The following CNTLN variants were observed in gnomAD, a reference collection of about 807,000 sequenced individuals.
CNTLN encodes the protein centlein, also known as centlein, centrosomal protein.
Under a neutral mutation model 180.0 loss-of-function variants are expected in CNTLN, and 212 were observed. The observed-to-expected ratio is 1.18, with a 90% CI of 1.05 to 1.32. The LOEUF is 1.32. Among genes scored for constraint, CNTLN ranks in the 40% most tolerant of loss-of-function variants. The pLI, the probability that CNTLN is intolerant of heterozygous loss-of-function variation, is 0.00. For synonymous variants in CNTLN, 722 were observed against 563.1 expected, an observed-to-expected ratio of 1.28 and a Z score of -3.99; for missense variants, 2,095 against 1,610.9, an observed-to-expected ratio of 1.30 and a Z score of -5.14.
chr9:17,411,639 C>A (rs960822699), intron 16 of CNTLN, among the ~76,000 whole-genome samples: 1 of 152,110 alleles, frequency 6.6e-6, no homozygotes, highest in African/African-American at 2.4e-5. Flanking sequence ...TCCCGTTAGA[C>A]CAGCGGAGGC....
the CNTLN span, among the ~76,000 whole-genome samples, chr9:17,523,095 T>G: frequency 6.6e-6 from 1 of 152,120 alleles, no homozygotes; most frequent in Non-Finnish European, 1.5e-5. Context: ...GGCCCCCAGT[T>G]TCATCACCAC....
At chr9:17,334,086 G>A (rs1192690546) in intron 10 of CNTLN, among the ~76,000 whole-genome samples, 3 of 152,072 alleles carry the variant, frequency 2.0e-5, no homozygotes, top group South Asian at 4.1e-4. Flanking sequence ...TTGAGACAGA[G>A]TCTTACTCTG....
At chr9:17,519,244 G>T in the CNTLN span, among the ~76,000 whole-genome samples, 32 of 143,518 alleles carry the variant, frequency 2.2e-4, no homozygotes, top group African/African-American at 7.8e-4. Context: ...AGATTTGAGT[G>T]TTTTTTTTTT....
chr9:17,363,402 A>G (rs1823559173), intron 12 of CNTLN, among the ~76,000 whole-genome samples: 1 of 152,120 alleles, frequency 6.6e-6, no homozygotes, highest in East Asian at 1.9e-4. Flanking sequence ...CCGACTTTTT[A>G]ATGATCACCA....
intron 13 of CNTLN, among the ~76,000 whole-genome samples, chr9:17,385,090 A>G (rs1335503520): frequency 6.6e-6 from 1 of 152,184 alleles, no homozygotes; most frequent in East Asian, 1.9e-4. Context: ...TTTTCCATTT[A>G]CTATTGCTTG....
At chr9:17,344,283 C>T (rs957517593) in intron 12 of CNTLN, among the ~76,000 whole-genome samples, 4 of 152,088 alleles carry the variant, frequency 2.6e-5, no homozygotes, top group African/African-American at 7.2e-5. Context: ...AATTAAATGC[C>T]GTGTCATTCT....
chr9:17,442,064 A>G lies in CNTLN; in HGVS notation c.3115-15460A>G, dbSNP rs867652351. Among the ~76,000 whole-genome samples, 18 of 152,320 alleles carry G rather than the reference A, an allele frequency of 1.2e-4. No homozygotes were observed. The South Asian group carries it at 2.1e-3, about 18-fold the overall frequency. ...AACTTTGACAGCTGAAGGGAGAAAT[A>G]GGCAGCAACACAATAATAGGAGACG... On this transcript the variant is annotated intron_variant, in intron 18 of 25. Transcript: ENST00000380647.
intron 13 of CNTLN, among the ~76,000 whole-genome samples, chr9:17,381,591 A>G (rs923715671): frequency 1.3e-5 from 2 of 152,154 alleles, no homozygotes; most frequent in Admixed American, 6.5e-5. Context: ...AGTGCCACAT[A>G]ATTTAGTCTT....
Position 17,235,755 on chromosome 9 carries a change from T to C in CNTLN, c.632T>C (p.Leu211Ser). The C allele has an allele frequency of 2.5e-6, 4 of 1,603,360 alleles. No individual in the cohort carries two copies. The Admixed American group carries it at 7.0e-5, about 28-fold the overall frequency. Residue 211 changes from leucine (L) to serine (S), a missense_variant, in exon 4 of 26, where the codon TTG becomes TCG. Leu to Ser is a moderately radical substitution (Grantham distance 145). Transcript: ENST00000380647. Reference sequence around the variant, plus strand: ...TTCTTAAGGAAAGAATTCAGTGACTTGGAGAAGAAATTTAAAGATAAAAGT... The same window carrying C: ...TTCTTAAGGAAAGAATTCAGTGACTCGGAGAAGAAATTTAAAGATAAAAGT... Reference protein sequence around the residue: ...NAFLRKEFSDLEKKFKDKSQE... With the variant: ...NAFLRKEFSDSEKKFKDKSQE...
At chr9:17,371,366 G>T (rs1466314091) in intron 13 of CNTLN, among the ~76,000 whole-genome samples, 1 of 152,076 alleles carries the variant, frequency 6.6e-6, no homozygotes, top group Non-Finnish European at 1.5e-5. Flanking sequence ...AAAACTGTAA[G>T]AGACAAAGGT....
At chr9:17,391,326 T>C (rs1159904266) in intron 14 of CNTLN, among the ~76,000 whole-genome samples, 2 of 152,168 alleles carry the variant, frequency 1.3e-5, no homozygotes, top group Admixed American at 6.5e-5. Context: ...TTCTTGGTTT[T>C]ATGGCTTGCT....
chr9:17,524,252 G>T, the CNTLN span, among the ~76,000 whole-genome samples: 9 of 152,214 alleles, frequency 5.9e-5, no homozygotes, highest in South Asian at 1.9e-3. Context: ...GGTTATGGAG[G>T]CTGAGAATTT....
chr9:17,196,819 G>A (rs1048911563), intron 2 of CNTLN, among the ~76,000 whole-genome samples: 1 of 151,732 alleles, frequency 6.6e-6, no homozygotes, highest in Non-Finnish European at 1.5e-5. Context: ...GAGTAAATGG[G>A]GTGTACATTA....
At chr9:17,258,475 C>T (rs1826686451) in intron 5 of CNTLN, among the ~76,000 whole-genome samples, 1 of 151,174 alleles carries the variant, frequency 6.6e-6, no homozygotes, top group East Asian at 1.9e-4. Flanking sequence ...TCTTTTGGTT[C>T]CATATGAACT....
At chr9:17,307,462 G>T (rs1179254910) in intron 7 of CNTLN, among the ~76,000 whole-genome samples, 2 of 152,132 alleles carry the variant, frequency 1.3e-5, no homozygotes, top group Admixed American at 6.5e-5. Context: ...TAGAGACGGG[G>T]ATTCGTCATA....
intron 2 of CNTLN, among the ~76,000 whole-genome samples, chr9:17,175,923 AT>A (rs1820691340): frequency 6.6e-6 from 1 of 152,054 alleles, no homozygotes; most frequent in African/African-American, 2.4e-5. Context: ...TGCATTACTA[AT>A]ATATAGAATA....
intron 15 of CNTLN, among the ~76,000 whole-genome samples, chr9:17,408,853 T>C (rs989183431): frequency 1.5e-4 from 22 of 151,504 alleles, no homozygotes; most frequent in African/African-American, 4.6e-4. Context: ...AAGTATTTTA[T>C]TCAGTGATAA....
chr9:17,470,820 C>T (rs973525355), intron 23 of CNTLN, among the ~76,000 whole-genome samples: 3 of 151,972 alleles, frequency 2.0e-5, no homozygotes, highest in Non-Finnish European at 4.4e-5. Context: ...TAGCTGGAAG[C>T]ATAAATGGTT....
chr9:17,139,984 C>T (rs752161826), intron 1 of CNTLN, among the ~76,000 whole-genome samples: 17 of 152,116 alleles, frequency 1.1e-4, no homozygotes, highest in South Asian at 1.0e-3. Context: ...GGTGAGCTAC[C>T]GCACCTGGCC....
Sources: gnomAD v4.1 joint callset for allele counts (sites outside exome capture counted in the v4.1 genomes callset) on GRCh38, gnomAD v4.1.1 for gene constraint, MANE v1.5 for transcripts, NCBI Gene and HGNC (gene_info 2026-07-23, HGNC 2026-07-21) for gene names.